The following ZMPSTE24 variants were observed in gnomAD, a reference collection of about 807,000 sequenced individuals.
ZMPSTE24 encodes the protein zinc metallopeptidase STE24.
Under a neutral mutation model 56.7 loss-of-function variants are expected in ZMPSTE24, and 48 were observed. The observed-to-expected ratio is 0.85, with a 90% confidence interval of 0.67 to 1.08. The LOEUF is 1.08. Ranked by LOEUF, ZMPSTE24 falls within the 50% of genes least tolerant of loss-of-function variation. The pLI, the probability that ZMPSTE24 is intolerant of heterozygous loss-of-function variation, is 0.00. For missense variants in ZMPSTE24, 503 were observed against 548.7 expected, an observed-to-expected ratio of 0.92 and a Z score of 0.83; for synonymous variants, 172 against 195.2, an observed-to-expected ratio of 0.88 and a Z score of 0.99.
At position 40,258,327 on chromosome 1, in the gene ZMPSTE24, T is replaced by C. The variant is rs1467506494; in HGVS notation, c.56T>C (p.Ile19Thr). ...TGGGAGATGCCGGCCGAGAAGCGTA[T>C]CTTCGGGGCCGTGCTGCTCTTTTCC... ...ALWEMPAEKRIFGAVLLFSWT... is the reference protein window; with the variant it reads ...ALWEMPAEKRTFGAVLLFSWT... The change falls in exon 1 of 10, where the codon ATC becomes ACC. Residue 19 changes from isoleucine to threonine, a missense_variant. Transcript: ENST00000372759. 12 of 1,614,030 alleles carry C rather than the reference T, an allele frequency of 7.4e-6. No individual in the cohort carries two copies. The highest frequency in any genetic ancestry group is 2.2e-5 in the East Asian group (1 of 44,890).
chr1:40,291,252 T>C (rs977591969), intron 9 of ZMPSTE24, among the ~76,000 whole-genome samples: 1 of 152,208 alleles, frequency 6.6e-6, no homozygotes, highest in African/African-American at 2.4e-5. Flanking sequence ...CTAAAAGGAC[T>C]CGGTAGATGG....
At chr1:40,260,787 CTA>C (rs1458701087) in intron 1 of ZMPSTE24, 50 bp from the exon 2 acceptor site, 6 of 1,570,964 alleles carry the variant, frequency 3.8e-6, no homozygotes, top group Admixed American at 1.7e-5. Context: ...TCATAAATGA[CTA>C]TTGTAATAAA....
rs1457630688 is a variant in ZMPSTE24 at position 40,294,154 on chromosome 1, A to T, written c.*1485A>T. ...CAAATTTCAGTTCTGCAAAAGTGAAACATTAAACATTGCCAACGCAAATGT... is the reference window on the plus strand; with the variant it reads ...CAAATTTCAGTTCTGCAAAAGTGAATCATTAAACATTGCCAACGCAAATGT... On this transcript the variant is annotated 3_prime_UTR_variant, in exon 10 of 10. Transcript: ENST00000372759. 1 of 152,704 alleles carries T rather than the reference A, an allele frequency of 6.5e-6. No individual in the cohort carries two copies. The highest frequency in any genetic ancestry group is 2.4e-5 in the African/African-American group (1 of 41,472). 9.5% of individuals were successfully genotyped at this position (152,704 alleles called of 1,614,324 possible).
At chr1:40,259,585 T>G (rs1039624725) in intron 1 of ZMPSTE24, 3 of 152,148 alleles carry the variant, frequency 2.0e-5, no homozygotes, top group African/African-American at 7.2e-5. Context: ...AGACGGGGTT[T>G]CACCATCTTG....
At chr1:40,281,801 TTGTGTGTATATATATATATG>T in intron 7 of ZMPSTE24, among the ~76,000 whole-genome samples, 1 of 152,162 alleles carries the variant, frequency 6.6e-6, no homozygotes, top group African/African-American at 2.4e-5. Flanking sequence ...AAACAGGAAC[TTGTGTGTATATATATATATG>T]TGTGTGTATA....
intron 8 of ZMPSTE24, among the ~76,000 whole-genome samples, chr1:40,287,329 A>G (rs1384284370): frequency 2.6e-5 from 4 of 152,000 alleles, no homozygotes; most frequent in Non-Finnish European, 5.9e-5. Flanking sequence ...TTGGCCTCCC[A>G]AAGTGCTGGG....
chr1:40,260,087 T>G (rs1569611684), intron 1 of ZMPSTE24, among the ~76,000 whole-genome samples: 1 of 134,942 alleles, frequency 7.4e-6, no homozygotes, highest in African/African-American at 2.9e-5. Flanking sequence ...TTTAAGGAGA[T>G]AGATTCTCTG....
intron 7 of ZMPSTE24, among the ~76,000 whole-genome samples, chr1:40,284,739 T>G (rs925974516): frequency 6.6e-6 from 1 of 151,964 alleles, no homozygotes; most frequent in African/African-American, 2.4e-5. Flanking sequence ...GCAACAAGAG[T>G]GAAACTCCAT....
chr1:40,284,142 C>T (rs1387331788), intron 7 of ZMPSTE24, among the ~76,000 whole-genome samples: 5 of 132,978 alleles, frequency 3.8e-5, no homozygotes, highest in Non-Finnish European at 7.9e-5. Context: ...TTAGTAGAGA[C>T]GGGGTTTCAC....
intron 2 of ZMPSTE24, 94 bp downstream of exon 2, chr1:40,261,079 C>T: frequency 6.8e-7 from 1 of 1,476,720 alleles, no homozygotes; most frequent in Non-Finnish European, 9.4e-7. Flanking sequence ...TTACAAGTCC[C>T]AGAATGCTTT....
At chr1:40,285,348 A>T (rs1435982413) in intron 7 of ZMPSTE24, among the ~76,000 whole-genome samples, 2 of 151,818 alleles carry the variant, frequency 1.3e-5, no homozygotes, top group Non-Finnish European at 2.9e-5. Context: ...CTCGTGATCC[A>T]CCCACCTTGA....
At chr1:40,273,537 A>AAAAAATATATAT (rs1224234676) in intron 6 of ZMPSTE24, among the ~76,000 whole-genome samples, 1 of 12,386 alleles carries the variant, frequency 8.1e-5, no homozygotes, top group Non-Finnish European at 2.0e-4. Flanking sequence ...AAAAAAAAAA[A>AAAAAATATATAT]ATATATATAT....
At chr1:40,273,537 A>AATATATATATATATATATATAT (rs71577619) in intron 6 of ZMPSTE24, among the ~76,000 whole-genome samples, 1 of 12,388 alleles carries the variant, frequency 8.1e-5, no homozygotes, top group Non-Finnish European at 2.0e-4. Context: ...AAAAAAAAAA[A>AATATATATATATATATATATAT]ATATATATAT....
At position 40,281,484 on chromosome 1, in the gene ZMPSTE24, A is replaced by G; in HGVS notation, c.911A>G (p.Asn304Ser). Reference protein sequence around the residue: ...IQEDSGMEPRNEEEGNSEEIK... With the variant: ...IQEDSGMEPRSEEEGNSEEIK... ...GAGGATTCTGGCATGGAACCCCGCA[A>G]TGAGGAAGAAGGGAACAGTGAAGAA... The change falls in exon 7 of 10, where the codon AAT becomes AGT. Residue 304 changes from asparagine (N) to serine (S), a missense_variant. Physicochemically the swap from Asn to Ser is conservative, Grantham distance 46. Coordinates refer to ENST00000372759, the MANE Select transcript of ZMPSTE24 (RefSeq NM_005857.5). 5.0e-6 allele frequency: 8 copies of G among 1,614,134 alleles called. No homozygotes were observed. Among genetic ancestry groups the G allele is most frequent in the Non-Finnish European group, 6.8e-6 (8 of 1,179,988 alleles).
intron 7 of ZMPSTE24, among the ~76,000 whole-genome samples, chr1:40,284,247 T>C (rs965997086): frequency 6.6e-6 from 1 of 151,612 alleles, no homozygotes; most frequent in East Asian, 1.9e-4. Context: ...TCACCATGCC[T>C]GGCCTTCAGC....
chr1:40,287,549 C>T (rs1455190888), intron 8 of ZMPSTE24, among the ~76,000 whole-genome samples: 1 of 151,890 alleles, frequency 6.6e-6, no homozygotes, highest in Non-Finnish European at 1.5e-5. Flanking sequence ...TGGTGGCACG[C>T]CTGTAATCCC....
In ZMPSTE24 at chr1:40,288,813, A is replaced by G. The variant is rs562448837; in HGVS notation, c.1060-2041A>G. ...CGTTAGCCATCCTCTACTTTTTTCC[A>G]AGGCCCTAATAATTCAGCCGAACCA... On this transcript the variant is annotated intron_variant, in intron 8 of 9. Transcript: ENST00000372759. Among the ~76,000 whole-genome samples the G allele has an allele frequency of 1.1e-3, 164 of 151,116 alleles. 3 individuals are homozygous for G. In the South Asian group the frequency reaches 0.033, roughly 31 times the overall value.
chr1:40,290,842 C>T lies in ZMPSTE24; in HGVS notation c.1060-12C>T. On this transcript the variant is annotated splice_polypyrimidine_tract_variant and intron_variant, in intron 8 of 9. Coordinates refer to ENST00000372759, the MANE Select transcript of ZMPSTE24 (RefSeq NM_005857.5). ...TGGTAATAACTTAGAAATTTCATGTCCTTCTTTCTAGATGAATTCTTTCCT... is the reference window on the plus strand; with the variant it reads ...TGGTAATAACTTAGAAATTTCATGTTCTTCTTTCTAGATGAATTCTTTCCT... The T allele has an allele frequency of 6.2e-7, 1 of 1,613,326 alleles. No homozygotes were observed. The highest frequency in any genetic ancestry group is 8.5e-7 in the Non-Finnish European group (1 of 1,179,572).
chr1:40,272,404 C>G (rs535656994), intron 6 of ZMPSTE24, among the ~76,000 whole-genome samples: 44 of 152,144 alleles, frequency 2.9e-4, no homozygotes, highest in Non-Finnish European at 6.2e-4. Context: ...TTAAGTTGGA[C>G]TCTTGAATAG....
Sources: allele counts gnomAD v4.1 joint callset (sites outside exome capture counted in the v4.1 genomes callset), GRCh38; gene constraint gnomAD v4.1.1; transcripts MANE v1.5; gene names NCBI Gene and HGNC (gene_info 2026-07-23, HGNC 2026-07-21).